The following LOXL2 variants were observed in gnomAD, a reference collection of about 807,000 sequenced individuals.
LOXL2 encodes lysyl oxidase homolog 2.
LOXL2 carries 70 observed loss-of-function variants against 93.0 expected under a neutral mutation model. That is an observed-to-expected ratio of 0.75 (90% CI 0.62 to 0.92). The LOEUF (loss-of-function observed/expected upper bound fraction) is 0.92, where lower values mean the gene tolerates loss of function less well. Among genes scored for constraint, LOXL2 ranks in the 40% least tolerant of loss-of-function variants. LOXL2 has a pLI of 0.00. For missense variants in LOXL2, 973 were observed against 1,054.9 expected (o/e 0.92, Z 1.08); for synonymous variants, 438 against 413.2 (o/e 1.06, Z -0.73).
intron 2 of LOXL2, among the ~76,000 whole-genome samples, chr8:23,366,982 C>A (rs745753898): frequency 6.6e-6 from 1 of 152,172 alleles, no homozygotes; most frequent in Non-Finnish European, 1.5e-5. Flanking sequence ...ACAGACTGAG[C>A]TCTAGGTTCA....
intron 9 of LOXL2, among the ~76,000 whole-genome samples, chr8:23,314,618 G>A (rs1803364495): frequency 1.3e-5 from 2 of 151,222 alleles, no homozygotes. Flanking sequence ...ACAGGAAGGG[G>A]AACATCACAC....
At chr8:23,342,598 A>G (rs1214542283) in intron 3 of LOXL2, among the ~76,000 whole-genome samples, 1 of 151,710 alleles carries the variant, frequency 6.6e-6, no homozygotes, top group East Asian at 2.0e-4. Context: ...CACCCGGCCA[A>G]TTGTTTGTAT....
chr8:23,336,695 G>A (rs1457383458), intron 4 of LOXL2: 1 of 152,200 alleles, frequency 6.6e-6, no homozygotes, highest in Admixed American at 6.5e-5. Context: ...TCCGGAAGTG[G>A]GGAAATAGCA....
chr8:23,393,437 A>G (rs2117237755), intron 1 of LOXL2, among the ~76,000 whole-genome samples: 1 of 152,380 alleles, frequency 6.6e-6, no homozygotes, highest in South Asian at 2.1e-4. Context: ...AGGTCCCAAG[A>G]CCATTCAATG....
At chr8:23,394,911 T>C (rs1318377868) in intron 1 of LOXL2, among the ~76,000 whole-genome samples, 3 of 152,136 alleles carry the variant, frequency 2.0e-5, no homozygotes, top group African/African-American at 7.2e-5. Flanking sequence ...GCCCATACAA[T>C]AGAATATTAT....
intron 1 of LOXL2, among the ~76,000 whole-genome samples, chr8:23,381,801 C>T (rs1283956755): frequency 6.6e-6 from 1 of 152,266 alleles, no homozygotes; most frequent in Admixed American, 6.5e-5. Context: ...CCATGCCAGG[C>T]TCCATGGGCA....
At position 23,302,239 on chromosome 8, in the gene LOXL2, G is replaced by T. The variant is rs116585444; in HGVS notation, c.1997-76C>A. 367 of 1,572,478 alleles carry T rather than the reference G, an allele frequency of 2.3e-4. 2 individuals carry two copies. The African/African-American group carries it at 4.6e-3, about 19-fold the overall frequency. On this transcript the variant is annotated intron_variant, in intron 11 of 13. Transcript: ENST00000389131. The stretch of plus-strand genomic sequence containing the variant: ...GCCGCACCCTCTTCCTGCTTCCAAG[G>T]CCCCTACCGCTGCTTCATCTGGGCT...
chr8:23,387,746 T>A (rs1324551734), intron 1 of LOXL2, among the ~76,000 whole-genome samples: 1 of 151,984 alleles, frequency 6.6e-6, no homozygotes, highest in Non-Finnish European at 1.5e-5. Context: ...GGTCAGGAGT[T>A]CGAGACCAGC....
At chr8:23,320,899 C>CT (rs1803484477) in intron 7 of LOXL2, among the ~76,000 whole-genome samples, 1 of 71,342 alleles carries the variant, frequency 1.4e-5, no homozygotes, top group African/African-American at 4.3e-5. Context: ...CAGAGCAAGA[C>CT]CGTCTCAAAA....
In LOXL2 at chr8:23,340,128, C is replaced by T. The variant is rs78841173; in HGVS notation, c.743+864G>A. 1.8e-3 allele frequency among the ~76,000 whole-genome samples: 275 copies of T among 152,292 alleles called. 6 individuals carry two copies. In the East Asian group the frequency reaches 0.04, roughly 22 times the overall value. On this transcript the variant is annotated intron_variant, in intron 4 of 13. Coordinates refer to ENST00000389131, the MANE Select transcript of LOXL2 (RefSeq NM_002318.3). ...GGGGACCTCCAGAGGCCAGGGTGTG[C>T]GTGAGGCCTGGATCTGCCCCTTCCT...
chr8:23,355,799 C>T (rs1036780532), intron 3 of LOXL2, among the ~76,000 whole-genome samples: 6 of 151,512 alleles, frequency 4.0e-5, no homozygotes, highest in East Asian at 2.0e-4. Context: ...GGTAGAGACA[C>T]GGTCTTGCCA....
At chr8:23,320,134 G>A in intron 7 of LOXL2, 82 bp from the exon 8 acceptor site, 10 of 1,457,956 alleles carry the variant, frequency 6.9e-6, no homozygotes, top group East Asian at 2.3e-5. Flanking sequence ...CCAGTGTCCT[G>A]GAGTCCTAAG....
chr8:23,326,729 T>C (rs1803582979), intron 6 of LOXL2, among the ~76,000 whole-genome samples: 2 of 152,106 alleles, frequency 1.3e-5, no homozygotes, highest in South Asian at 4.1e-4. Context: ...GCTGGGTGAC[T>C]GAGTGAGACT....
At chr8:23,389,869 T>C (rs1014849422) in intron 1 of LOXL2, among the ~76,000 whole-genome samples, 2 of 152,158 alleles carry the variant, frequency 1.3e-5, no homozygotes, top group Non-Finnish European at 2.9e-5. Context: ...CCACATCTTG[T>C]GCCCTGGAGC....
intron 3 of LOXL2, among the ~76,000 whole-genome samples, chr8:23,352,797 C>T (rs948919093): frequency 6.6e-6 from 1 of 151,858 alleles, no homozygotes. Flanking sequence ...GCTTTCTCCT[C>T]GTTCTGTCCT....
At chr8:23,341,773 A>G (rs923124885) in intron 3 of LOXL2, among the ~76,000 whole-genome samples, 2 of 152,166 alleles carry the variant, frequency 1.3e-5, no homozygotes, top group African/African-American at 4.8e-5. Context: ...AAAAATCCTT[A>G]GAGAGGCCTG....
chr8:23,366,233 A>T (rs1377777721), intron 2 of LOXL2: 2 of 152,276 alleles, frequency 1.3e-5, no homozygotes, highest in Admixed American at 1.3e-4. Flanking sequence ...CCGGATAAAC[A>T]GAGATGTGGA....
In LOXL2 at chr8:23,385,413, A is replaced by ATTTT. The variant is rs201661064; in HGVS notation, c.-83-16983_-83-16980dup. ...AGGCACACACCACCACACCCAGCTA[A>ATTTT]TTTTTTTTTTTTTTTTTGGTATTTT... On this transcript the variant is annotated intron_variant, in intron 1 of 13. Transcript: ENST00000389131. 1.6e-4 allele frequency among the ~76,000 whole-genome samples: 22 copies of ATTTT among 136,314 alleles called. No homozygotes were observed. In the Middle Eastern group the frequency reaches 0.011, roughly 69 times the overall value. 89.4% of individuals were successfully genotyped at this position (136,314 alleles called of 152,430 possible).
intron 8 of LOXL2, among the ~76,000 whole-genome samples, chr8:23,319,138 G>A (rs550756095): frequency 2.0e-5 from 3 of 152,324 alleles, no homozygotes; most frequent in African/African-American, 7.2e-5. Flanking sequence ...TGAGGTCTTG[G>A]GATTATTCAT....
Sources: allele counts gnomAD v4.1 joint callset (sites outside exome capture counted in the v4.1 genomes callset), GRCh38; gene constraint gnomAD v4.1.1; transcripts MANE v1.5; gene names NCBI Gene and HGNC (gene_info 2026-07-23, HGNC 2026-07-21).